GNAO1: variants seen among roughly 807,000 people sequenced by gnomAD.
GNAO1 encodes the protein guanine nucleotide-binding protein G(o) subunit alpha.
For synonymous variants in GNAO1, 164 were observed against 180.7 expected, an observed-to-expected ratio of 0.91 and a Z score of 0.74; for missense variants, 166 against 478.7, an observed-to-expected ratio of 0.35 and a Z score of 6.10.
At chr16:56,343,867 G>A (rs191191827) in intron 6 of GNAO1, 2 of 1,614,140 alleles carry the variant, frequency 1.2e-6, no homozygotes, top group African/African-American at 1.3e-5. Flanking sequence ...CTGCGCCACG[G>A]ACACCAACAA....
chr16:56,333,018 C>G (rs1300239167), intron 4 of GNAO1, among the ~76,000 whole-genome samples: 6 of 152,148 alleles, frequency 3.9e-5, no homozygotes, highest in Non-Finnish European at 7.3e-5. Flanking sequence ...TCTGCAGCCT[C>G]GGCTCTCTCA....
intron 2 of GNAO1, among the ~76,000 whole-genome samples, chr16:56,214,175 T>C (rs553134797): frequency 6.6e-6 from 1 of 152,310 alleles, no homozygotes; most frequent in African/African-American, 2.4e-5. Context: ...TGGGCTGCCT[T>C]GCCTTGCTGG....
At chr16:56,355,207 T>TTATATATATA (rs57085646) in intron 8 of GNAO1, 126 bp downstream of exon 8, 31 of 200,704 alleles carry the variant, frequency 1.5e-4, no homozygotes, top group East Asian at 1.2e-3. Flanking sequence ...TAACAAAACC[T>TTATATATATA]TATATATATA....
intron 3 of GNAO1, among the ~76,000 whole-genome samples, chr16:56,319,755 C>G (rs1350836477): frequency 6.6e-6 from 1 of 152,142 alleles, no homozygotes; most frequent in African/African-American, 2.4e-5. Context: ...CCAGCAACAG[C>G]CCAAAGCAAC....
At chr16:56,334,674 C>T (rs2037722974) in intron 4 of GNAO1, 55 bp from the exon 5 acceptor site, 2 of 1,598,310 alleles carry the variant, frequency 1.3e-6, no homozygotes, top group Admixed American at 1.7e-5. Flanking sequence ...CCTGGCCAGT[C>T]CCGAACAGTG....
chr16:56,347,851 C>T, intron 6 of GNAO1: 1 of 983,462 alleles, frequency 1.0e-6, no homozygotes, highest in Non-Finnish European at 1.2e-6. Flanking sequence ...GCCCTCCCCT[C>T]CTGCCTCCTG....
chr16:56,198,919 A>G (rs2036257902), intron 2 of GNAO1, among the ~76,000 whole-genome samples: 1 of 152,178 alleles, frequency 6.6e-6, no homozygotes, highest in African/African-American at 2.4e-5. Context: ...CTGATGTGAC[A>G]TTTTTGATGG....
intron 2 of GNAO1, among the ~76,000 whole-genome samples, chr16:56,232,985 A>C (rs2036604950): frequency 6.6e-6 from 1 of 152,230 alleles, no homozygotes; most frequent in Non-Finnish European, 1.5e-5. Context: ...GGCCGGAAGG[A>C]CTTCACCATA....
intron 2 of GNAO1, among the ~76,000 whole-genome samples, chr16:56,198,092 A>G (rs886181708): frequency 6.6e-6 from 1 of 152,216 alleles, no homozygotes; most frequent in Non-Finnish European, 1.5e-5. Flanking sequence ...GGAAAGAGTT[A>G]CCCTCAGAAT....
At chr16:56,301,913 C>A (rs2037348661) in intron 3 of GNAO1, 1 of 152,150 alleles carries the variant, frequency 6.6e-6, no homozygotes, top group Non-Finnish European at 1.5e-5. Flanking sequence ...ATACTGAGAC[C>A]CTAATAGGCC....
At chr16:56,347,626 C>T in intron 6 of GNAO1, 1 of 961,460 alleles carries the variant, frequency 1.0e-6, no homozygotes, top group Non-Finnish European at 1.2e-6. Context: ...GAGAGAGGGG[C>T]TCCCCCTGGA....
At chr16:56,347,855 C>A in intron 6 of GNAO1, 3 of 982,750 alleles carry the variant, frequency 3.1e-6, no homozygotes, top group Non-Finnish European at 3.6e-6. Flanking sequence ...TCCCCTCCTG[C>A]CTCCTGGTCT....
intron 3 of GNAO1, among the ~76,000 whole-genome samples, chr16:56,282,871 G>C (rs1231953143): frequency 3.3e-5 from 5 of 152,140 alleles, no homozygotes; most frequent in Admixed American, 6.5e-5. Flanking sequence ...AAAACCTTGG[G>C]GACAGCCAAA....
chr16:56,258,614 G>C (rs983013708), intron 2 of GNAO1, among the ~76,000 whole-genome samples: 1 of 152,226 alleles, frequency 6.6e-6, no homozygotes, highest in Non-Finnish European at 1.5e-5. Context: ...TTGCCATTCA[G>C]GAAGAGCCCT....
chr16:56,353,898 T>C (rs2037946522), intron 7 of GNAO1, among the ~76,000 whole-genome samples: 1 of 152,222 alleles, frequency 6.6e-6, no homozygotes, highest in Non-Finnish European at 1.5e-5. Context: ...TTGCCCCTTG[T>C]ACACCCAAGG....
At chr16:56,275,839 C>A in intron 2 of GNAO1, 92 bp from the exon 3 acceptor site, 2 of 1,123,416 alleles carry the variant, frequency 1.8e-6, no homozygotes, top group Non-Finnish European at 2.4e-6. Flanking sequence ...CTGGACCTGG[C>A]CCACAGTCAG....
Position 56,191,885 on chromosome 16 carries a change from T to G in GNAO1, c.-351T>G. The G allele has an allele frequency of 5.4e-6, 1 of 185,608 alleles. No individual in the cohort carries two copies. Among genetic ancestry groups the G allele is most frequent in the Non-Finnish European group, 1.1e-5 (1 of 94,468 alleles). 11.5% of individuals were successfully genotyped at this position (185,608 alleles called of 1,614,324 possible). ...CTCCGGCTGCGGCTCCAGCCTCGAC[T>G]ATTATTTTATTTATTTTGGGTCGTG... On this transcript the variant is annotated 5_prime_UTR_variant, in exon 1 of 9. Coordinates refer to ENST00000262493, the MANE Select transcript of GNAO1 (RefSeq NM_020988.3). The surrounding 1 kb of genome is among the most constrained non-coding windows in gnomAD (Gnocchi z 4.7).
intron 6 of GNAO1, among the ~76,000 whole-genome samples, chr16:56,339,984 C>T (rs2143673643): frequency 6.6e-6 from 1 of 152,358 alleles, no homozygotes; most frequent in Middle Eastern, 3.4e-3. Context: ...TCATCCCACC[C>T]ATCCTGCATC....
chr16:56,204,209 G>A (rs539025121), intron 2 of GNAO1, among the ~76,000 whole-genome samples: 1 of 152,308 alleles, frequency 6.6e-6, no homozygotes, highest in South Asian at 2.1e-4. Flanking sequence ...GGAAACACAG[G>A]AGCAGGGAAG....
Sources: gnomAD v4.1 joint callset for allele counts (sites outside exome capture counted in the v4.1 genomes callset) on GRCh38, gnomAD v4.1.1 for gene constraint, Gnocchi (gnomAD v3.1) non-coding constraint, MANE v1.5 for transcripts, NCBI Gene and HGNC (gene_info 2026-07-23, HGNC 2026-07-21) for gene names.